CCDC38: variants seen among roughly 807,000 people sequenced by gnomAD.
CCDC38 encodes coiled-coil domain-containing protein 38.
In CCDC38, 69 loss-of-function variants were observed where a neutral mutation model predicts 72.8. The ratio of observed to expected loss-of-function variants is 0.95; its 90% CI spans 0.78 to 1.16. The LOEUF (loss-of-function observed/expected upper bound fraction) is 1.16, where lower values mean the gene tolerates loss of function less well. Ranked by LOEUF, CCDC38 falls within the 50% of genes most tolerant of loss-of-function variation. The pLI is 0.00. For synonymous variants in CCDC38, 201 were observed against 213.2 expected, an observed-to-expected ratio of 0.94 and a Z score of 0.50; for missense variants, 626 against 638.9, an observed-to-expected ratio of 0.98 and a Z score of 0.22.
chr12:95,870,544 G>A (rs2079570331), intron 14 of CCDC38, among the ~76,000 whole-genome samples: 1 of 152,154 alleles, frequency 6.6e-6, no homozygotes, highest in African/African-American at 2.4e-5. Context: ...TTCTTTTTAA[G>A]AAGAATGTAA....
chr12:95,868,262 A>G (rs2079544826), intron 15 of CCDC38, among the ~76,000 whole-genome samples: 1 of 152,170 alleles, frequency 6.6e-6, no homozygotes, highest in Non-Finnish European at 1.5e-5. Context: ...CTACACATCA[A>G]GTATCCATGA....
At position 95,898,654 on chromosome 12, in the gene CCDC38, T is replaced by C. The variant is rs142628960; in HGVS notation, c.447A>G (p.Lys149=). Residue 149 remains lysine (K), a synonymous_variant, in exon 6 of 16, where the codon AAA becomes AAG. Coordinates refer to ENST00000344280, the MANE Select transcript of CCDC38 (RefSeq NM_182496.3). The stretch of plus-strand genomic sequence containing the variant: ...CATCATCTTGGAGCTTTTTCTCTGC[T>C]TTTTTTAGTTGCCGTTCCCTCATTG... ...DIAMRERQLK[K]AEKKLQDDAL... 6.2e-7 allele frequency: 1 copy of C among 1,614,024 alleles called. No individual in the cohort carries two copies. The highest frequency in any genetic ancestry group is 8.5e-7 in the Non-Finnish European group (1 of 1,179,968).
At chr12:95,920,461 C>T (rs976583268) in intron 2 of CCDC38, among the ~76,000 whole-genome samples, 1 of 152,122 alleles carries the variant, frequency 6.6e-6, no homozygotes, top group Non-Finnish European at 1.5e-5. Flanking sequence ...ATACAATATC[C>T]ATCAACTGAT....
At chr12:95,929,413 G>A (rs565962038) in intron 2 of CCDC38, among the ~76,000 whole-genome samples, 2 of 152,294 alleles carry the variant, frequency 1.3e-5, no homozygotes, top group South Asian at 4.1e-4. Context: ...CACTGTGCAT[G>A]CACCCACTGA....
intron 4 of CCDC38, among the ~76,000 whole-genome samples, chr12:95,913,908 G>A (rs143930108): frequency 8.6e-5 from 13 of 151,880 alleles, no homozygotes; most frequent in African/African-American, 2.4e-4. Flanking sequence ...GACAGACTCC[G>A]TGAGCCACGT....
chr12:95,922,399 A>G (rs891061397), intron 2 of CCDC38, among the ~76,000 whole-genome samples: 1 of 152,232 alleles, frequency 6.6e-6, no homozygotes, highest in Non-Finnish European at 1.5e-5. Flanking sequence ...TGGGAATTGC[A>G]CTCAGGAGCA....
At chr12:95,899,906 G>A (rs1296292097) in intron 5 of CCDC38, among the ~76,000 whole-genome samples, 1 of 152,086 alleles carries the variant, frequency 6.6e-6, no homozygotes, top group Non-Finnish European at 1.5e-5. Context: ...AGCGGGATGG[G>A]GTGCTGTGGA....
chr12:95,867,275 G>T lies in CCDC38; in HGVS notation c.1579-86C>A, dbSNP rs2079530019. On this transcript the variant is annotated intron_variant, in intron 15 of 15. Transcript: ENST00000344280. ...ATTTGTGAAATACCAATATTAACTT[G>T]ATTTTTACAAGGAATAATATGGTTT... The T allele has an allele frequency of 4.1e-6, 3 of 726,834 alleles. No homozygotes were observed. The East Asian group carries it at 7.8e-5, about 19-fold the overall frequency. 45.0% of individuals were successfully genotyped at this position (726,834 alleles called of 1,614,324 possible).
rs116860256 is a variant in CCDC38 at position 95,886,906 on chromosome 12, C to T, written c.920+1552G>A. 1.6e-4 allele frequency among the ~76,000 whole-genome samples: 24 copies of T among 152,256 alleles called. No homozygotes were observed. The East Asian group carries it at 3.1e-3, about 20-fold the overall frequency. ...TCTCTTTAAAAACTGAACATGCGGCCGGGCGTGGTGGCTCACGCCTGTAAT... is the reference window on the plus strand; with the variant it reads ...TCTCTTTAAAAACTGAACATGCGGCTGGGCGTGGTGGCTCACGCCTGTAAT... On this transcript the variant is annotated intron_variant, in intron 10 of 15. Transcript: ENST00000344280.
At chr12:95,890,034 C>A (rs1267226377) in intron 9 of CCDC38, among the ~76,000 whole-genome samples, 3 of 152,174 alleles carry the variant, frequency 2.0e-5, no homozygotes, top group African/African-American at 7.2e-5. Flanking sequence ...ACCTCAACCT[C>A]CTCAGCAGCT....
At chr12:95,877,150 CAAGAT>C (rs1173832954) in intron 13 of CCDC38, among the ~76,000 whole-genome samples, 1 of 152,118 alleles carries the variant, frequency 6.6e-6, no homozygotes, top group Non-Finnish European at 1.5e-5. Context: ...TAGCAGGAGA[CAAGAT>C]AAGGGTAATC....
rs2079676260 is a variant in CCDC38 at position 95,879,656 on chromosome 12, A to G, written c.1130T>C (p.Ile377Thr). 2 of 1,589,998 alleles carry G rather than the reference A, an allele frequency of 1.3e-6. No homozygotes were observed. The highest frequency in any genetic ancestry group is 2.7e-5 in the African/African-American group (2 of 74,124). ...LEEVNKREKV[I>T]QDKTNSNIEF... ...TATAATGACTTACGTTTTATCCTGT[A>G]TAACTTTTTCTCTTTTGTTTACCTC... The change falls in exon 12 of 16, where the codon ATA becomes ACA. Residue 377 changes from isoleucine (I) to threonine (T), a missense_variant. Physicochemically the swap from Ile to Thr is moderately conservative, Grantham distance 89 (BLOSUM62 -1). Coordinates refer to ENST00000344280, the MANE Select transcript of CCDC38 (RefSeq NM_182496.3). This position sits in a 1 kb window ranked among gnomAD's most constrained non-coding sequence, Gnocchi z 5.5.
chr12:95,878,303 T>G lies in CCDC38; in HGVS notation c.1186A>C (p.Lys396Gln), dbSNP rs2079658460. Reference sequence around the variant, plus strand: ...TCTTCTTCTCTCACACAGTTAGCTTTAAGCATTTTTTCTTGCTCCAAAAGA... The same window carrying G: ...TCTTCTTCTCTCACACAGTTAGCTTGAAGCATTTTTTCTTGCTCCAAAAGA... ...EFLLEQEKML[K>Q]ANCVREEEKA... Residue 396 changes from lysine to glutamine, a missense_variant, in exon 13 of 16, where the codon AAA becomes CAA. Transcript: ENST00000344280. 1 of 1,613,426 alleles carries G rather than the reference T, an allele frequency of 6.2e-7. No individual in the cohort carries two copies. The highest frequency in any genetic ancestry group is 1.1e-5 in the South Asian group (1 of 91,072).
At position 95,867,099 on chromosome 12, in the gene CCDC38, C is replaced by T. The variant is rs1592747561; in HGVS notation, c.1669G>A (p.Glu557Lys). ...LVNETKTKSQ[E>K]EEYFFT Reference sequence around the variant, plus strand: ...ATTCAAGTAAAAAAATATTCTTCCTCTTGTGATTTTGTTTTTGTTTCATTG... The same window carrying T: ...ATTCAAGTAAAAAAATATTCTTCCTTTTGTGATTTTGTTTTTGTTTCATTG... The change falls in exon 16 of 16, where the codon GAG becomes AAG. Residue 557 changes from glutamate to lysine, a missense_variant. Glu to Lys is a moderately conservative substitution (Grantham distance 56, BLOSUM62 1). Coordinates refer to ENST00000344280, the MANE Select transcript of CCDC38 (RefSeq NM_182496.3). The T allele has an allele frequency of 6.3e-7, 1 of 1,592,776 alleles. No individual in the cohort carries two copies. The highest frequency in any genetic ancestry group is 1.1e-5 in the South Asian group (1 of 89,850).
At chr12:95,929,525 A>G (rs2080313653) in intron 2 of CCDC38, among the ~76,000 whole-genome samples, 1 of 152,188 alleles carries the variant, frequency 6.6e-6, no homozygotes, top group Non-Finnish European at 1.5e-5. Context: ...TGGGAGCTGT[A>G]GACGGGAGCT....
chr12:95,886,818 C>T (rs1055137122), intron 10 of CCDC38, among the ~76,000 whole-genome samples: 1 of 152,186 alleles, frequency 6.6e-6, no homozygotes, highest in Admixed American at 6.5e-5. Flanking sequence ...AGAAACTGGA[C>T]CCCACATACA....
intron 15 of CCDC38, 57 bp downstream of exon 15, chr12:95,869,422 GT>G (rs2079556326): frequency 7.8e-7 from 1 of 1,284,542 alleles, no homozygotes; most frequent in Admixed American, 2.0e-5. Flanking sequence ...AAAGTATTTT[GT>G]TTTTGTATTT....
chr12:95,883,843 T>G (rs1163741317), intron 10 of CCDC38, among the ~76,000 whole-genome samples: 1 of 152,196 alleles, frequency 6.6e-6, no homozygotes, highest in Admixed American at 6.5e-5. Flanking sequence ...TGTCTGCATG[T>G]TACTGTGAGC....
intron 5 of CCDC38, among the ~76,000 whole-genome samples, chr12:95,904,712 T>C (rs1444631543): frequency 6.6e-6 from 1 of 152,226 alleles, no homozygotes; most frequent in Admixed American, 6.5e-5. Flanking sequence ...ATTGACCATG[T>C]GGTTGATCTG....
Sources: gnomAD v4.1 joint callset for allele counts (sites outside exome capture counted in the v4.1 genomes callset) on GRCh38, gnomAD v4.1.1 for gene constraint, Gnocchi (gnomAD v3.1) non-coding constraint, MANE v1.5 for transcripts, NCBI Gene and HGNC (gene_info 2026-07-23, HGNC 2026-07-21) for gene names.